TXLNA: variants seen among roughly 807,000 people sequenced by gnomAD.
TXLNA encodes alpha-taxilin.
In TXLNA, 9 loss-of-function variants were observed where a neutral mutation model predicts 61.4. The observed-to-expected ratio is 0.15, with a 90% CI of 0.09 to 0.26. The LOEUF is 0.26. TXLNA is among the 10% of genes least tolerant of loss of function. TXLNA has a pLI of 1.00. For synonymous variants in TXLNA, 257 were observed against 267.7 expected, an observed-to-expected ratio of 0.96 and a Z score of 0.39; for missense variants, 565 against 688.8, an observed-to-expected ratio of 0.82 and a Z score of 2.01.
chr1:32,195,230 G>A lies in TXLNA; in HGVS notation c.*35G>A, dbSNP rs367823275. The A allele has an allele frequency of 5.3e-5, 81 of 1,533,142 alleles. No individual in the cohort carries two copies. Among genetic ancestry groups the A allele is most frequent in the African/African-American group, 2.6e-4 (19 of 72,128 alleles). The allele number at this position is 1,533,142 out of a possible 1,614,324, so 95.0% of individuals were successfully genotyped here. On this transcript the variant is annotated 3_prime_UTR_variant, in exon 11 of 11. Coordinates refer to ENST00000373610, the MANE Select transcript of TXLNA (RefSeq NM_175852.4). ...TGTTGGGTCATGCTGGGAAGGGAGC[G>A]GCAGCCCAGCCAGGCCTGGCCCATA...
chr1:32,190,353 T>G, intron 6 of TXLNA, 104 bp downstream of exon 6: 3 of 1,103,508 alleles, frequency 2.7e-6, no homozygotes, highest in African/African-American at 1.7e-5. Context: ...CATTCTCCCT[T>G]TCTTCCTCCT....
In TXLNA at chr1:32,195,891, A is replaced by G. The variant is rs1643010391; in HGVS notation, c.*696A>G. 4 of 413,240 alleles carry G rather than the reference A, an allele frequency of 9.7e-6. No homozygotes were observed. Among genetic ancestry groups the G allele is most frequent in the Non-Finnish European group, 2.0e-5 (4 of 204,716 alleles). 25.6% of individuals were successfully genotyped at this position (413,240 alleles called of 1,614,324 possible). A position where few individuals can be genotyped will look rare whatever the true frequency, so the allele number is the denominator to read the frequency against. ...GCTTCTCAGTAGCCTTATCATTCAC[A>G]GGTGCCTCTCTAGCCTGCACAAATG... On this transcript the variant is annotated 3_prime_UTR_variant, in exon 11 of 11. Transcript: ENST00000373610.
At chr1:32,183,089 C>G (rs1055882122) in intron 3 of TXLNA, among the ~76,000 whole-genome samples, 1 of 151,608 alleles carries the variant, frequency 6.6e-6, no homozygotes, top group African/African-American at 2.4e-5. Flanking sequence ...AGGAAAAAAT[C>G]TTAACGTCAC....
In TXLNA at chr1:32,192,070, G is replaced by T. The variant is rs1297923432; in HGVS notation, c.964-241G>T. On this transcript the variant is annotated intron_variant, in intron 6 of 10. Transcript: ENST00000373610. The surrounding 1 kb of genome is among the most constrained non-coding windows in gnomAD (Gnocchi z 4.2). ...GTGTGTTTATTGCTTGCCTTCTTGG[G>T]AGCAGATTCCATCCATAAACCATGT... 6.6e-6 allele frequency among the ~76,000 whole-genome samples: 1 copy of T among 152,234 alleles called. No homozygotes were observed. Among genetic ancestry groups the T allele is most frequent in the Non-Finnish European group, 1.5e-5 (1 of 68,040 alleles).
In TXLNA at chr1:32,194,873, G is replaced by A. The variant is rs116324363; in HGVS notation, c.1348-29G>A. On this transcript the variant is annotated intron_variant, in intron 10 of 10. Coordinates refer to ENST00000373610, the MANE Select transcript of TXLNA (RefSeq NM_175852.4). ...GGTAAGTGGGAGGTTGATGGGGCAC[G>A]GCACTGAAGGTCTCATTTCTTTCCC... The A allele has an allele frequency of 5.6e-4, 876 of 1,569,442 alleles. 7 individuals are homozygous for A. The African/African-American group carries it at 0.011, about 19-fold the overall frequency.
chr1:32,196,180 AGAAAG>A lies in TXLNA; in HGVS notation c.*992_*996del, dbSNP rs145966557. 1,698 of 154,322 alleles carry A rather than the reference AGAAAG, an allele frequency of 0.011. 15 individuals are homozygous for A. The highest frequency in any genetic ancestry group is 0.017 in the Non-Finnish European group (1,199 of 69,620). 9.6% of individuals were successfully genotyped at this position (154,322 alleles called of 1,614,324 possible). On this transcript the variant is annotated 3_prime_UTR_variant, in exon 11 of 11. Coordinates refer to ENST00000373610, the MANE Select transcript of TXLNA (RefSeq NM_175852.4). ...GTGAGATCAGGTTGTTTGTGGTAAA[AGAAAG>A]GAAAGGGCTTCTGATGGCTTTGCCA...
intron 4 of TXLNA, among the ~76,000 whole-genome samples, chr1:32,186,552 A>G (rs1197545574): frequency 2.0e-5 from 3 of 152,218 alleles, no homozygotes; most frequent in African/African-American, 4.8e-5. Flanking sequence ...CTAGGGTTGC[A>G]GTACTACTGG....
At chr1:32,190,322 G>A in intron 6 of TXLNA, 73 bp downstream of exon 6, 1 of 1,412,790 alleles carries the variant, frequency 7.1e-7, no homozygotes, top group Non-Finnish European at 9.6e-7. Flanking sequence ...CACTGGGACA[G>A]TACCTTTTCA....
At position 32,181,576 on chromosome 1, in the gene TXLNA, G is replaced by A; in HGVS notation, c.504G>A (p.Leu168=). The A allele has an allele frequency of 6.5e-7, 1 of 1,533,856 alleles. No homozygotes were observed. Residue 168 remains leucine (L), a splice_region_variant and synonymous_variant, in exon 3 of 11, where the codon TTG becomes TTA. Transcript: ENST00000373610. The part of the protein sequence containing the change: ...RPQEKKKAKG[L]GKEITLLMQT... ...AGGAGAAGAAAAAAGCCAAGGGTTT[G>A]GGTGAGCAGAGGGCGGCTCTTTGTG...
chr1:32,183,769 G>A (rs1044478367), intron 3 of TXLNA, among the ~76,000 whole-genome samples: 18 of 142,606 alleles, frequency 1.3e-4, no homozygotes, highest in South Asian at 6.7e-4. Flanking sequence ...ACAGAGTCTC[G>A]CTCTGTCACC....
chr1:32,189,916 T>A (rs1223880509), intron 5 of TXLNA, 139 bp from the exon 6 acceptor site: 3 of 828,680 alleles, frequency 3.6e-6, no homozygotes, highest in South Asian at 3.7e-5. Context: ...GGAACCCGCA[T>A]TGCACAACAT....
chr1:32,180,581 C>CT lies in TXLNA; in HGVS notation c.169+69dup, dbSNP rs1310104627. Reference sequence around the variant, plus strand: ...CTGTGGGGTCGGCCTCGCTTCTGGACTTACAGGCCGAGGCCAGGTTGTCCG... The same window carrying CT: ...CTGTGGGGTCGGCCTCGCTTCTGGACTTTACAGGCCGAGGCCAGGTTGTCCG... On this transcript the variant is annotated intron_variant, in intron 2 of 10. Transcript: ENST00000373610. 8.0e-6 allele frequency: 12 copies of CT among 1,504,524 alleles called. No individual in the cohort carries two copies. In the Admixed American group the frequency reaches 2.5e-4, roughly 32 times the overall value. 93.2% of individuals were successfully genotyped at this position (1,504,524 alleles called of 1,614,324 possible).
At chr1:32,180,566 G>A (rs1006546966) in intron 2 of TXLNA, 52 bp downstream of exon 2, 19 of 1,532,918 alleles carry the variant, frequency 1.2e-5, no homozygotes, top group Non-Finnish European at 1.5e-5. Context: ...CTGTGGGGTC[G>A]GCCTCGCTTC....
In TXLNA at chr1:32,192,116, CTGGGAGAGAAACGACG is replaced by C. The variant is rs1272448057; in HGVS notation, c.964-192_964-177del. 6.6e-6 allele frequency among the ~76,000 whole-genome samples: 1 copy of C among 152,238 alleles called. No homozygotes were observed. The highest frequency in any genetic ancestry group is 1.5e-5 in the Non-Finnish European group (1 of 68,044). On this transcript the variant is annotated intron_variant, in intron 6 of 10. Transcript: ENST00000373610. This position sits in a 1 kb window ranked among gnomAD's most constrained non-coding sequence, Gnocchi z 4.2. Reference sequence around the variant, plus strand: ...CATGTGCTTACCAAGGTCTGACTCACTGGGAGAGAAACGACGTGAGGTTGGAAAGCTGACCTTCCAG... The same window carrying C: ...CATGTGCTTACCAAGGTCTGACTCACTGAGGTTGGAAAGCTGACCTTCCAG...
At chr1:32,194,768 A>G in intron 10 of TXLNA, 134 bp from the exon 11 acceptor site, 1 of 1,073,146 alleles carries the variant, frequency 9.3e-7, no homozygotes, top group Non-Finnish European at 1.4e-6. Flanking sequence ...GGCTTCAACT[A>G]GGACTGTTTC....
rs930848163 is a variant in TXLNA, at chr1:32,195,360, T to C, written c.*165T>C. 4 of 700,872 alleles carry C rather than the reference T, an allele frequency of 5.7e-6. No individual in the cohort carries two copies. Among genetic ancestry groups the C allele is most frequent in the South Asian group, 2.0e-5 (1 of 51,012 alleles). 43.4% of individuals were successfully genotyped at this position (700,872 alleles called of 1,614,324 possible). A position where few individuals can be genotyped will look rare whatever the true frequency, so the allele number is the denominator to read the frequency against. Reference sequence around the variant, plus strand: ...ATTTTGTGGGTCAGTTTTACGTACATAGGGCATTTTGCAAGGCCTTGCAAA... The same window carrying C: ...ATTTTGTGGGTCAGTTTTACGTACACAGGGCATTTTGCAAGGCCTTGCAAA... On this transcript the variant is annotated 3_prime_UTR_variant, in exon 11 of 11. Coordinates refer to ENST00000373610, the MANE Select transcript of TXLNA (RefSeq NM_175852.4).
At chr1:32,180,157 C>T in intron 1 of TXLNA, 157 bp from the exon 2 acceptor site, 2 of 730,836 alleles carry the variant, frequency 2.7e-6, no homozygotes, top group Non-Finnish European at 4.3e-6. Context: ...GTCGGGCTCT[C>T]CTGACCCGCC....
chr1:32,188,135 GC>G lies in TXLNA; in HGVS notation c.768+16del. On this transcript the variant is annotated intron_variant, in intron 5 of 10. Transcript: ENST00000373610. ...AACCGCTCCCTCAAGGTAGGCCTGG[GC>G]CCCCTGGAACAGGTGACTCTGGTTT... 1 of 1,544,142 alleles carries G rather than the reference GC, an allele frequency of 6.5e-7. No individual in the cohort carries two copies. The highest frequency in any genetic ancestry group is 8.8e-7 in the Non-Finnish European group (1 of 1,141,282).
intron 3 of TXLNA, 72 bp from the exon 4 acceptor site, chr1:32,184,453 A>T: frequency 1.0e-6 from 1 of 982,558 alleles, no homozygotes; most frequent in Non-Finnish European, 1.6e-6. Flanking sequence ...TTCAGCACTC[A>T]TGAGTGTGAG....
Sources: allele counts gnomAD v4.1 joint callset (sites outside exome capture counted in the v4.1 genomes callset), GRCh38; gene constraint gnomAD v4.1.1; non-coding constraint Gnocchi (gnomAD v3.1); transcripts MANE v1.5; gene names NCBI Gene and HGNC (gene_info 2026-07-23, HGNC 2026-07-21).